Variants in PPP5C observed in about 807,000 individuals in gnomAD.
PPP5C encodes the protein protein phosphatase 5 catalytic subunit.
A neutral mutation model predicts 66.7 loss-of-function variants in PPP5C; 21 were observed. The observed-to-expected ratio is 0.31, with a 90% CI of 0.22 to 0.45. The LOEUF is 0.45. Among genes scored for constraint, PPP5C ranks in the 20% least tolerant of loss-of-function variants. PPP5C has a pLI of 1.00. For missense variants in PPP5C, 464 were observed against 675.9 expected, an observed-to-expected ratio of 0.69 and a Z score of 3.48; for synonymous variants, 246 against 257.4, an observed-to-expected ratio of 0.96 and a Z score of 0.43.
chr19:46,359,517 T>C (rs1189572897), intron 2 of PPP5C, among the ~76,000 whole-genome samples: 1 of 152,136 alleles, frequency 6.6e-6, no homozygotes, highest in Admixed American at 6.5e-5. Flanking sequence ...CAAGATTCAG[T>C]ACAAACTGTA....
chr19:46,353,166 C>T (rs1385984372), intron 1 of PPP5C, among the ~76,000 whole-genome samples: 4 of 152,172 alleles, frequency 2.6e-5, no homozygotes, highest in African/African-American at 9.7e-5. Flanking sequence ...ACCAGATGGT[C>T]CTTACTCCCG....
intron 1 of PPP5C, among the ~76,000 whole-genome samples, chr19:46,350,252 G>A (rs1288755915): frequency 6.6e-6 from 1 of 152,200 alleles, no homozygotes; most frequent in South Asian, 2.1e-4. Context: ...AGGCTGACTT[G>A]GCAGAATAAG....
chr19:46,387,258 G>A (rs778414307), intron 8 of PPP5C, 23 bp downstream of exon 8: 5 of 1,614,082 alleles, frequency 3.1e-6, no homozygotes, highest in Non-Finnish European at 4.2e-6. Context: ...CGAGCCCTGA[G>A]TGTGGGTTCC....
chr19:46,348,922 A>T (rs549363163), intron 1 of PPP5C, among the ~76,000 whole-genome samples: 2 of 152,258 alleles, frequency 1.3e-5, no homozygotes, highest in African/African-American at 4.8e-5. Context: ...GCTGGTAGTG[A>T]TGTTGACAGG....
chr19:46,387,506 G>C (rs993984053), intron 9 of PPP5C, 53 bp downstream of exon 9: 2 of 1,613,676 alleles, frequency 1.2e-6, no homozygotes, highest in Non-Finnish European at 1.7e-6. Flanking sequence ...CCTGGGCTGA[G>C]CTCTCCCCTG....
intron 2 of PPP5C, among the ~76,000 whole-genome samples, chr19:46,370,026 G>C (rs886344583): frequency 1.3e-5 from 2 of 151,980 alleles, no homozygotes; most frequent in South Asian, 4.1e-4. Context: ...GAGTCAGTGC[G>C]TGAGTGGTGA....
intron 2 of PPP5C, among the ~76,000 whole-genome samples, chr19:46,374,164 G>A (rs968802339): frequency 2.8e-4 from 43 of 152,190 alleles, no homozygotes; most frequent in African/African-American, 1.0e-3. Context: ...GCCCAGACAG[G>A]GAGGAGGCCG....
intron 11 of PPP5C, among the ~76,000 whole-genome samples, chr19:46,389,290 C>T (rs1345229322): frequency 6.6e-6 from 1 of 151,528 alleles, no homozygotes; most frequent in African/African-American, 2.4e-5. Context: ...CACCACTGCA[C>T]TCCAGCCTGG....
At chr19:46,368,637 A>C (rs1463453630) in intron 2 of PPP5C, among the ~76,000 whole-genome samples, 1 of 152,180 alleles carries the variant, frequency 6.6e-6, no homozygotes, top group African/African-American at 2.4e-5. Context: ...ATAGTGGCAG[A>C]GTCTGAGATC....
rs1420258386 is a variant in PPP5C, at chr19:46,353,818, C to T, written c.192C>T (p.Tyr64=). Residue 64 remains tyrosine (Y), a synonymous_variant, in exon 2 of 13, where the codon TAC becomes TAT. Coordinates refer to ENST00000012443, the MANE Select transcript of PPP5C (RefSeq NM_006247.4). ...AGCTGAACCCCAGCAATGCCATCTA[C>T]TATGGCAACCGCAGCCTGGCCTACC... ...AIELNPSNAI[Y]YGNRSLAYLR... is the part of the protein sequence containing the mutation. 2 of 1,613,606 alleles carry T rather than the reference C, an allele frequency of 1.2e-6. No individual in the cohort carries two copies. The highest frequency in any genetic ancestry group is 1.3e-5 in the African/African-American group (1 of 74,946).
At chr19:46,347,947 A>C (rs558745110) in intron 1 of PPP5C, among the ~76,000 whole-genome samples, 14 of 151,608 alleles carry the variant, frequency 9.2e-5, no homozygotes, top group Admixed American at 7.9e-4. Context: ...CATGAAAAAA[A>C]AAAAAACAAA....
intron 2 of PPP5C, among the ~76,000 whole-genome samples, chr19:46,361,784 T>C (rs1342185681): frequency 6.6e-6 from 1 of 151,034 alleles, no homozygotes; most frequent in African/African-American, 2.4e-5. Flanking sequence ...AAAAATACTA[T>C]ACCAAAATTT....
chr19:46,353,164 G>A (rs17288338), intron 1 of PPP5C, among the ~76,000 whole-genome samples: 32,489 of 152,168 alleles, frequency 0.21, 4,149 homozygotes, highest in Non-Finnish European at 0.3. Flanking sequence ...GCACCAGATG[G>A]TCCTTACTCC....
Position 46,388,857 on chromosome 19 carries a change from A to ACACCCCCGTATGTGTCACC in PPP5C, c.1355+132_1355+150dup. The ACACCCCCGTATGTGTCACC allele has an allele frequency of 8.4e-7, 1 of 1,184,314 alleles. No individual in the cohort carries two copies. The highest frequency in any genetic ancestry group is 1.5e-5 in the South Asian group (1 of 66,714). 73.4% of individuals were successfully genotyped at this position (1,184,314 alleles called of 1,614,324 possible). A position where few individuals can be genotyped will look rare whatever the true frequency, so the allele number is the denominator to read the frequency against. ...AAGAGCAGATAAAAGAACATGACGA[A>ACACCCCCGTATGTGTCACC]CACCCCCGTATGTGTCACCCACCCA... is the stretch of plus-strand genomic sequence containing the variant. On this transcript the variant is annotated intron_variant, in intron 11 of 12. Transcript: ENST00000012443. The surrounding 1 kb of genome is among the most constrained non-coding windows in gnomAD (Gnocchi z 4.9).
intron 2 of PPP5C, among the ~76,000 whole-genome samples, chr19:46,371,303 C>A (rs1972587462): frequency 6.6e-6 from 1 of 152,162 alleles, no homozygotes; most frequent in African/African-American, 2.4e-5. Flanking sequence ...TGCGTGTTGC[C>A]TTGCAAGCGG....
At chr19:46,366,764 G>C (rs1209548608) in intron 2 of PPP5C, among the ~76,000 whole-genome samples, 2 of 152,204 alleles carry the variant, frequency 1.3e-5, no homozygotes, top group African/African-American at 2.4e-5. Context: ...TGGAACTAGA[G>C]GGTGTGAGTT....
At chr19:46,365,921 G>A (rs140463091) in intron 2 of PPP5C, among the ~76,000 whole-genome samples, 3,663 of 152,240 alleles carry the variant, frequency 0.024, 78 homozygotes, top group Non-Finnish European at 0.028. Flanking sequence ...GTGAAGCAGC[G>A]GTGGAGAAGG....
rs1285667929 is a variant in PPP5C at position 46,375,879 on chromosome 19, C to A, written c.511+128C>A. Reference sequence around the variant, plus strand: ...TGTCCCCAGGCTGGTGTCTGTCGCTCCTCTGCCTGTGTTCCAGGGCGCTCC... The same window carrying A: ...TGTCCCCAGGCTGGTGTCTGTCGCTACTCTGCCTGTGTTCCAGGGCGCTCC... On this transcript the variant is annotated intron_variant, in intron 3 of 12. Transcript: ENST00000012443. The A allele has an allele frequency of 2.8e-6, 4 of 1,422,520 alleles. No individual in the cohort carries two copies. The African/African-American group carries it at 4.3e-5, about 15-fold the overall frequency. The allele number at this position is 1,422,520 out of a possible 1,614,324, so 88.1% of individuals were successfully genotyped here.
chr19:46,374,419 G>C (rs1012842398), intron 2 of PPP5C, among the ~76,000 whole-genome samples: 1 of 149,778 alleles, frequency 6.7e-6, no homozygotes, highest in East Asian at 1.9e-4. Context: ...TCCTGGGGAG[G>C]CTAAGGATGG....
Sources: allele counts gnomAD v4.1 joint callset (sites outside exome capture counted in the v4.1 genomes callset), GRCh38; gene constraint gnomAD v4.1.1; non-coding constraint Gnocchi (gnomAD v3.1); transcripts MANE v1.5; gene names NCBI Gene and HGNC (gene_info 2026-07-23, HGNC 2026-07-21).